SNX6: variants seen among roughly 807,000 people sequenced by gnomAD.
The protein encoded by SNX6 is sorting nexin-6.
In SNX6, 34 loss-of-function variants were observed where a neutral mutation model predicts 63.0. The observed-to-expected ratio is 0.54, with a 90% confidence interval of 0.41 to 0.72. The LOEUF (loss-of-function observed/expected upper bound fraction) is 0.72, where lower values mean the gene tolerates loss of function less well. SNX6 is among the 30% of genes least tolerant of loss of function. The probability of loss-of-function intolerance (pLI) is 0.00; values close to 1 mark genes in which losing one functional copy is unlikely to be tolerated. For missense variants in SNX6, 398 were observed against 471.4 expected, an observed-to-expected ratio of 0.84 and a Z score of 1.44; for synonymous variants, 170 against 164.2, an observed-to-expected ratio of 1.04 and a Z score of -0.27.
chr14:34,609,259 T>C (rs2138356499), intron 3 of SNX6, among the ~76,000 whole-genome samples: 1 of 151,686 alleles, frequency 6.6e-6, no homozygotes, highest in Non-Finnish European at 1.5e-5. Context: ...GATAACAAGG[T>C]TGGAGATCGA....
chr14:34,613,490 C>T (rs1470732021), intron 2 of SNX6, among the ~76,000 whole-genome samples: 2 of 152,118 alleles, frequency 1.3e-5, no homozygotes, highest in African/African-American at 2.4e-5. Context: ...AACCTGGTTG[C>T]TTGTTAAAAA....
chr14:34,568,758 C>A, intron 11 of SNX6: 1 of 889,826 alleles, frequency 1.1e-6, no homozygotes, highest in South Asian at 1.3e-5. Flanking sequence ...CCTGACGTGT[C>A]AGTTTGCGGC....
chr14:34,603,296 AG>A, intron 6 of SNX6, 51 bp downstream of exon 6: 15 of 1,448,098 alleles, frequency 1.0e-5, no homozygotes, highest in African/African-American at 2.9e-5. Flanking sequence ...AAAAAAAAAA[AG>A]AAGAAGAAGA....
At chr14:34,566,958 G>A (rs1438658203) in intron 13 of SNX6, among the ~76,000 whole-genome samples, 2 of 152,054 alleles carry the variant, frequency 1.3e-5, no homozygotes, top group African/African-American at 4.8e-5. Flanking sequence ...CATGGTGGCT[G>A]ATGCCTGTAA....
chr14:34,612,848 G>A lies in SNX6; in HGVS notation c.55-3106C>T, dbSNP rs180704087. 2.0e-3 allele frequency among the ~76,000 whole-genome samples: 308 copies of A among 151,858 alleles called. 1 individual carries two copies. The highest frequency in any genetic ancestry group is 7.0e-3 in the African/African-American group (291 of 41,498). ...GTGGATCACCTGAGGTCAGGAGTTC[G>A]AGACCAGCCTGACCAATGTGGAGAA... On this transcript the variant is annotated intron_variant, in intron 2 of 13. Coordinates refer to ENST00000362031, the MANE Select transcript of SNX6 (RefSeq NM_152233.4).
At chr14:34,602,503 A>G (rs1453566892) in intron 6 of SNX6, among the ~76,000 whole-genome samples, 1 of 150,966 alleles carries the variant, frequency 6.6e-6, no homozygotes, top group Non-Finnish European at 1.5e-5. Flanking sequence ...AGGCACGAGA[A>G]TCACTTGAAC....
At chr14:34,584,626 G>A (rs1056095144) in intron 9 of SNX6, among the ~76,000 whole-genome samples, 2 of 151,792 alleles carry the variant, frequency 1.3e-5, no homozygotes, top group Non-Finnish European at 2.9e-5. Context: ...ATTCCCAAAT[G>A]GCAGTTCTTA....
chr14:34,609,695 C>T lies in SNX6; in HGVS notation c.102G>A (p.Val34=). 6.2e-7 allele frequency: 1 copy of T among 1,613,096 alleles called. No homozygotes were observed. Among genetic ancestry groups the T allele is most frequent in the Non-Finnish European group, 8.5e-7 (1 of 1,179,542 alleles). ...GCTCACTAAGAGCATCAGAAATGTC[C>T]ACCTGCAGAGCAGCATCACTTTGAA... is the stretch of plus-strand genomic sequence containing the variant. The part of the protein sequence containing the change: ...VDLQSDAALQ[V]DISDALSERD... The change falls in exon 3 of 14, where the codon GTG becomes GTA. Residue 34 remains valine, a synonymous_variant. Coordinates refer to ENST00000362031, the MANE Select transcript of SNX6 (RefSeq NM_152233.4).
At chr14:34,625,028 G>A (rs1328463683) in intron 2 of SNX6, among the ~76,000 whole-genome samples, 6 of 151,834 alleles carry the variant, frequency 4.0e-5, no homozygotes, top group Admixed American at 6.6e-5. Flanking sequence ...TGATTCTCCC[G>A]CCTCAGCCTC....
At chr14:34,568,884 T>TC in intron 11 of SNX6, 1 of 1,171,696 alleles carries the variant, frequency 8.5e-7, no homozygotes, top group South Asian at 1.2e-5. Context: ...TTCTCTGACA[T>TC]CCCCCATAGA....
chr14:34,571,272 A>G (rs2138268653), intron 11 of SNX6, among the ~76,000 whole-genome samples: 1 of 151,904 alleles, frequency 6.6e-6, no homozygotes, highest in East Asian at 2.0e-4. Context: ...TCTGTACTAA[A>G]AATACAAAAA....
chr14:34,587,594 G>A (rs950424944), intron 8 of SNX6, among the ~76,000 whole-genome samples: 4 of 149,334 alleles, frequency 2.7e-5, no homozygotes, highest in Admixed American at 2.0e-4. Context: ...AAAATCCTGG[G>A]CGATAGAGCT....
rs562903264 is a variant in SNX6 at position 34,630,099 on chromosome 14, G to T, written c.6+12C>A. The T allele has an allele frequency of 1.3e-4, 183 of 1,447,338 alleles. 1 individual carries two copies. In the East Asian group the frequency reaches 5.0e-3, roughly 40 times the overall value. The allele number at this position is 1,447,338 out of a possible 1,614,324, so 89.7% of individuals were successfully genotyped here. On this transcript the variant is annotated intron_variant, in intron 1 of 13. Coordinates refer to ENST00000362031, the MANE Select transcript of SNX6 (RefSeq NM_152233.4). ...CGCGCTCCCGGGACTCGGCGCCGCG[G>T]AGAACACCCACCATCATGGCTGCTC... is the stretch of plus-strand genomic sequence containing the variant.
At chr14:34,614,418 C>CA (rs1883346406) in intron 2 of SNX6, among the ~76,000 whole-genome samples, 2 of 150,244 alleles carry the variant, frequency 1.3e-5, no homozygotes, top group Admixed American at 6.7e-5. Context: ...GCCTGGGTGA[C>CA]AAAGTGAGAC....
intron 2 of SNX6, among the ~76,000 whole-genome samples, chr14:34,626,877 A>C (rs1409162411): frequency 5.3e-5 from 8 of 152,222 alleles, no homozygotes; most frequent in Non-Finnish European, 8.8e-5. Flanking sequence ...GCTAGTAGAC[A>C]CCAAAAATAG....
At chr14:34,606,771 A>G (rs1883038178) in intron 4 of SNX6, among the ~76,000 whole-genome samples, 1 of 150,954 alleles carries the variant, frequency 6.6e-6, no homozygotes. Flanking sequence ...TATCTGTCCA[A>G]CTATGGTTTT....
At chr14:34,624,873 C>T (rs1237911080) in intron 2 of SNX6, among the ~76,000 whole-genome samples, 1 of 152,118 alleles carries the variant, frequency 6.6e-6, no homozygotes, top group Non-Finnish European at 1.5e-5. Flanking sequence ...GTGCTGTCCC[C>T]TTTGCAACTT....
intron 2 of SNX6, among the ~76,000 whole-genome samples, chr14:34,629,256 A>G (rs968077760): frequency 6.6e-6 from 1 of 152,118 alleles, no homozygotes; most frequent in Non-Finnish European, 1.5e-5. Flanking sequence ...TACAATTATC[A>G]ACAGTATTTG....
chr14:34,603,363 C>T lies in SNX6; in HGVS notation c.501G>A (p.Leu167=), dbSNP rs1882898536. 1 of 1,609,698 alleles carries T rather than the reference C, an allele frequency of 6.2e-7. No homozygotes were observed. Among genetic ancestry groups the T allele is most frequent in the Non-Finnish European group, 8.5e-7 (1 of 1,178,394 alleles). ...TGATACTCACATCTTGATTATATTC[C>T]AAGAAGACATGGAAATTTAAATCTC... is the stretch of plus-strand genomic sequence containing the variant. ...LRRDLNFHVF[L]EYNQDLSVRG... is the part of the protein sequence containing the mutation. The change falls in exon 6 of 14, where the codon TTG becomes TTA. Residue 167 remains leucine, a synonymous_variant. Transcript: ENST00000362031.
Sources: allele counts gnomAD v4.1 joint callset (sites outside exome capture counted in the v4.1 genomes callset), GRCh38; gene constraint gnomAD v4.1.1; transcripts MANE v1.5; gene names NCBI Gene and HGNC (gene_info 2026-07-23, HGNC 2026-07-21).